Variants in ADAMTS2 observed in about 807,000 individuals in gnomAD.
ADAMTS2 encodes the protein A disintegrin and metalloproteinase with thrombospondin motifs 2.
In ADAMTS2, 50 loss-of-function variants were observed where a neutral mutation model predicts 123.0. The observed-to-expected ratio is 0.41, with a 90% CI of 0.32 to 0.51. The LOEUF is 0.51. Ranked by LOEUF, ADAMTS2 falls within the 20% of genes least tolerant of loss-of-function variation. ADAMTS2 has a pLI of 0.35. For synonymous variants in ADAMTS2, 678 were observed against 695.4 expected, an observed-to-expected ratio of 0.98 and a Z score of 0.39; for missense variants, 1,494 against 1,705.2, an observed-to-expected ratio of 0.88 and a Z score of 2.18.
At position 179,188,121 on chromosome 5, in the gene ADAMTS2, C is replaced by A. The variant is rs545387668; in HGVS notation, c.892-6966G>T. ...GCCACAGAGGAGACAGGCAGGGGCC[C>A]TGGAACAGCAGCCACCCCAACCTTC... On this transcript the variant is annotated intron_variant, in intron 4 of 21. Transcript: ENST00000251582. This position sits in a 1 kb window ranked among gnomAD's most constrained non-coding sequence, Gnocchi z 5.1. 1.6e-3 allele frequency among the ~76,000 whole-genome samples: 247 copies of A among 152,316 alleles called. No homozygotes were observed. Among genetic ancestry groups the A allele is most frequent in the Middle Eastern group, 3.4e-3 (1 of 292 alleles).
chr5:179,292,891 G>A (rs965130493), intron 2 of ADAMTS2, among the ~76,000 whole-genome samples: 1 of 152,180 alleles, frequency 6.6e-6, no homozygotes, highest in Non-Finnish European at 1.5e-5. Context: ...CCAATAGCCT[G>A]CCTTGAATTG....
intron 5 of ADAMTS2, among the ~76,000 whole-genome samples, chr5:179,171,556 G>A (rs1437799567): frequency 3.3e-5 from 5 of 152,328 alleles, no homozygotes; most frequent in South Asian, 2.1e-4. Flanking sequence ...GGGCAGGCCC[G>A]GCTCTTCTGG....
intron 12 of ADAMTS2, among the ~76,000 whole-genome samples, chr5:179,136,605 C>T (rs530999985): frequency 2.0e-5 from 3 of 148,994 alleles, no homozygotes; most frequent in African/African-American, 7.5e-5. Context: ...GCCGAGCTTG[C>T]AGTGAGCCAA....
In ADAMTS2 at chr5:179,314,967, C is replaced by T. The variant is rs539060691; in HGVS notation, c.534+28800G>A. On this transcript the variant is annotated intron_variant, in intron 2 of 21. Coordinates refer to ENST00000251582, the MANE Select transcript of ADAMTS2 (RefSeq NM_014244.5). This position sits in a 1 kb window ranked among gnomAD's most constrained non-coding sequence, Gnocchi z 4.5. ...TCCCCTCCCAGAGCCTAATCACAGC[C>T]AGCTACGCCCCCTTCTCCCAGTTAT... 6.7e-4 allele frequency among the ~76,000 whole-genome samples: 102 copies of T among 152,264 alleles called. No homozygotes were observed. Among genetic ancestry groups the T allele is most frequent in the Admixed American group, 1.9e-3 (29 of 15,300 alleles).
At chr5:179,148,850 G>T (rs541571827) in intron 10 of ADAMTS2, among the ~76,000 whole-genome samples, 1 of 152,196 alleles carries the variant, frequency 6.6e-6, no homozygotes, top group Non-Finnish European at 1.5e-5. Context: ...CAGACGGAGG[G>T]GGGTACTGTG....
At chr5:179,135,648 C>T (rs539919084) in intron 13 of ADAMTS2, among the ~76,000 whole-genome samples, 230 of 152,252 alleles carry the variant, frequency 1.5e-3, no homozygotes, top group Non-Finnish European at 2.5e-3. Context: ...CCGCCACCAC[C>T]GTGACCTGTG....
At chr5:179,223,682 TCACA>T (rs201211766) in intron 3 of ADAMTS2, among the ~76,000 whole-genome samples, 11 of 141,002 alleles carry the variant, frequency 7.8e-5, no homozygotes, top group Admixed American at 4.9e-4. Flanking sequence ...ATGAATGCAC[TCACA>T]CACACGAATG....
At chr5:179,325,696 C>G (rs913847712) in intron 2 of ADAMTS2, among the ~76,000 whole-genome samples, 1 of 152,272 alleles carries the variant, frequency 6.6e-6, no homozygotes, top group African/African-American at 2.4e-5. Flanking sequence ...GGCTGGTGCA[C>G]TGCCCAGGCA....
At chr5:179,139,677 C>G (rs1309697808) in intron 11 of ADAMTS2, among the ~76,000 whole-genome samples, 1 of 152,146 alleles carries the variant, frequency 6.6e-6, no homozygotes, top group African/African-American at 2.4e-5. Flanking sequence ...GGCTGTGGGC[C>G]CCGGCCAGGG....
At chr5:179,218,894 AC>A in intron 3 of ADAMTS2, among the ~76,000 whole-genome samples, 1 of 152,242 alleles carries the variant, frequency 6.6e-6, no homozygotes, top group Admixed American at 6.5e-5. Context: ...GACAAAGGAC[AC>A]CCCTCAGTGG....
chr5:179,345,158 G>A lies in ADAMTS2; in HGVS notation c.139+32C>T. ...GCGGGACAGGGCCAGGCCGGCGGGG[G>A]TCCCGGGGAGTAGGGGCCGGGCCGC... On this transcript the variant is annotated intron_variant, in intron 1 of 21. Transcript: ENST00000251582. This position sits in a 1 kb window ranked among gnomAD's most constrained non-coding sequence, Gnocchi z 7.5. 3.7e-6 allele frequency: 4 copies of A among 1,086,996 alleles called. No homozygotes were observed. Among genetic ancestry groups the A allele is most frequent in the Non-Finnish European group, 4.5e-6 (4 of 896,912 alleles). 67.3% of individuals were successfully genotyped at this position (1,086,996 alleles called of 1,614,324 possible). A position where few individuals can be genotyped will look rare whatever the true frequency, so the allele number is the denominator to read the frequency against.
chr5:179,204,306 G>A (rs1214019928), intron 4 of ADAMTS2, among the ~76,000 whole-genome samples: 1 of 152,232 alleles, frequency 6.6e-6, no homozygotes, highest in African/African-American at 2.4e-5. Context: ...TTACGCCACC[G>A]AATCGCACGC....
intron 10 of ADAMTS2, among the ~76,000 whole-genome samples, chr5:179,142,075 GC>G (rs2113227228): frequency 1.3e-5 from 2 of 152,142 alleles, no homozygotes; most frequent in East Asian, 3.9e-4. Flanking sequence ...GCAGGGGCCT[GC>G]CCAGAGGGAG....
In ADAMTS2 at chr5:179,256,028, CCTT is replaced by C. The variant is rs1173617222; in HGVS notation, c.688+16880_688+16882del. Among the ~76,000 whole-genome samples, 2 of 152,316 alleles carry C rather than the reference CCTT, an allele frequency of 1.3e-5. No homozygotes were observed. The highest frequency in any genetic ancestry group is 3.9e-4 in the East Asian group (2 of 5,178). ...AGCATGGGCAGGTACCCACCAGTCT[CCTT>C]CTCTGTCCCCAGCCTCTCCCGCAGC... is the stretch of plus-strand genomic sequence containing the variant. On this transcript the variant is annotated intron_variant, in intron 3 of 21. Transcript: ENST00000251582. This position sits in a 1 kb window ranked among gnomAD's most constrained non-coding sequence, Gnocchi z 4.1.
At chr5:179,230,498 C>T (rs1005981325) in intron 3 of ADAMTS2, among the ~76,000 whole-genome samples, 5 of 148,758 alleles carry the variant, frequency 3.4e-5, no homozygotes, top group East Asian at 4.5e-4. Flanking sequence ...ACGTTATGCC[C>T]GGGAGGGCTG....
chr5:179,227,923 T>C (rs915377023), intron 3 of ADAMTS2, among the ~76,000 whole-genome samples: 2 of 152,000 alleles, frequency 1.3e-5, no homozygotes, highest in Admixed American at 6.5e-5. Context: ...GGACAAAGAC[T>C]GAGAGGGGGA....
intron 2 of ADAMTS2, among the ~76,000 whole-genome samples, chr5:179,295,181 C>T (rs1477037709): frequency 6.6e-6 from 1 of 152,244 alleles, no homozygotes; most frequent in Admixed American, 6.5e-5. Flanking sequence ...TGAAAAGACA[C>T]AGAGAAGAAC....
chr5:179,306,357 G>GA (rs949608488), intron 2 of ADAMTS2, among the ~76,000 whole-genome samples: 2 of 151,780 alleles, frequency 1.3e-5, no homozygotes, highest in South Asian at 2.1e-4. Context: ...ACTGAAGAAG[G>GA]AAAAAAAATA....
At chr5:179,244,062 A>G (rs1765727333) in intron 3 of ADAMTS2, among the ~76,000 whole-genome samples, 1 of 152,262 alleles carries the variant, frequency 6.6e-6, no homozygotes, top group South Asian at 2.1e-4. Flanking sequence ...GCACAATGGG[A>G]GTCCCAGAAA....
Sources: allele counts gnomAD v4.1 joint callset (sites outside exome capture counted in the v4.1 genomes callset), GRCh38; gene constraint gnomAD v4.1.1; non-coding constraint Gnocchi (gnomAD v3.1); transcripts MANE v1.5; gene names NCBI Gene and HGNC (gene_info 2026-07-23, HGNC 2026-07-21).